NELL1: variants seen among roughly 807,000 people sequenced by gnomAD.
NELL1 encodes protein kinase C-binding protein NELL1.
NELL1 carries 76 observed loss-of-function variants against 107.4 expected under a neutral mutation model. That is an observed-to-expected ratio of 0.71 (90% CI 0.59 to 0.86). The LOEUF (loss-of-function observed/expected upper bound fraction) is 0.86, where lower values mean the gene tolerates loss of function less well. Among genes scored for constraint, NELL1 ranks in the 40% least tolerant of loss-of-function variants. The pLI, the probability that NELL1 is intolerant of heterozygous loss-of-function variation, is 0.00. For missense variants in NELL1, 1,024 were observed against 1,005.5 expected (o/e 1.02, Z -0.25); for synonymous variants, 353 against 341.2 (o/e 1.03, Z -0.38).
intron 14 of NELL1, among the ~76,000 whole-genome samples, chr11:21,264,200 T>G (rs1848593741): frequency 1.3e-5 from 2 of 151,466 alleles, no homozygotes; most frequent in African/African-American, 4.8e-5. Flanking sequence ...AAAAGCAGCA[T>G]GATATAGGGA....
At chr11:21,028,501 CGAAAT>C (rs1194325809) in intron 12 of NELL1, among the ~76,000 whole-genome samples, 2 of 152,060 alleles carry the variant, frequency 1.3e-5, no homozygotes, top group African/African-American at 4.8e-5. Context: ...TGCCCACTGA[CGAAAT>C]GAAAAGCTAG....
At chr11:21,478,124 G>GCA (rs1277429924) in intron 15 of NELL1, among the ~76,000 whole-genome samples, 1 of 152,064 alleles carries the variant, frequency 6.6e-6, no homozygotes, top group African/African-American at 2.4e-5. Flanking sequence ...GGAAAAGCAA[G>GCA]CACTTTCTTC....
chr11:21,069,270 CT>C (rs1853954803), intron 12 of NELL1, among the ~76,000 whole-genome samples: 1 of 152,148 alleles, frequency 6.6e-6, no homozygotes, highest in Admixed American at 6.5e-5. Flanking sequence ...CACATGTACC[CT>C]TGAACTTAAC....
Position 21,516,742 on chromosome 11 carries a change from CACACACACACACACACACAG to C in NELL1, c.1646-17621_1646-17602del, listed in dbSNP as rs1564935426. ...TGTCAATCACACACACACACACATA[CACACACACACACACACACAG>C]ACACACACACTCTTCTTTTAAATAT... On this transcript the variant is annotated intron_variant, in intron 15 of 19. Transcript: ENST00000357134. Among the ~76,000 whole-genome samples the C allele has an allele frequency of 5.9e-5, 8 of 136,530 alleles. No individual in the cohort carries two copies. In the South Asian group the frequency reaches 1.7e-3, roughly 29 times the overall value. The allele number at this position is 136,530 out of a possible 152,430, so 89.6% of individuals were successfully genotyped here. A position where few individuals can be genotyped will look rare whatever the true frequency, so the allele number is the denominator to read the frequency against.
chr11:20,810,063 A>G (rs1857466762), intron 3 of NELL1, among the ~76,000 whole-genome samples: 1 of 151,482 alleles, frequency 6.6e-6, no homozygotes, highest in Admixed American at 6.6e-5. Context: ...ATTGTATCTC[A>G]TTGTAGTTTT....
At chr11:20,710,992 A>AT (rs901299391) in intron 2 of NELL1, among the ~76,000 whole-genome samples, 91 of 149,840 alleles carry the variant, frequency 6.1e-4, no homozygotes, top group Non-Finnish European at 8.6e-4. Flanking sequence ...TGTTTTATTT[A>AT]TTTTTTTTGT....
At chr11:20,881,510 C>T (rs1564948166) in intron 4 of NELL1, among the ~76,000 whole-genome samples, 2 of 152,180 alleles carry the variant, frequency 1.3e-5, no homozygotes, top group Admixed American at 6.5e-5. Flanking sequence ...AAGCCAAGAA[C>T]ACCCACCTGA....
At chr11:21,344,848 A>G (rs1446552678) in intron 14 of NELL1, among the ~76,000 whole-genome samples, 18 of 148,016 alleles carry the variant, frequency 1.2e-4, no homozygotes, top group Non-Finnish European at 1.5e-5. Context: ...TTGTTGTTTT[A>G]TGAGCACCTT....
At chr11:21,202,308 G>C (rs1405780995) in intron 13 of NELL1, among the ~76,000 whole-genome samples, 1 of 152,148 alleles carries the variant, frequency 6.6e-6, no homozygotes, top group African/African-American at 2.4e-5. Context: ...TTCAGAACTT[G>C]TTATTGGTTT....
intron 13 of NELL1, among the ~76,000 whole-genome samples, chr11:21,128,217 A>G (rs1855532298): frequency 1.3e-5 from 2 of 152,192 alleles, no homozygotes; most frequent in Non-Finnish European, 2.9e-5. Context: ...TTTACAGAAA[A>G]GCACGTTGTA....
intron 13 of NELL1, among the ~76,000 whole-genome samples, chr11:21,180,989 G>T (rs924539743): frequency 6.6e-6 from 1 of 151,586 alleles, no homozygotes; most frequent in Non-Finnish European, 1.5e-5. Flanking sequence ...CCATGTCAAA[G>T]AATTTTTTTT....
At chr11:21,165,003 A>C (rs370001807) in intron 13 of NELL1, among the ~76,000 whole-genome samples, 318 of 151,836 alleles carry the variant, frequency 2.1e-3, no homozygotes, top group African/African-American at 7.4e-3. Context: ...ATTTTAAATG[A>C]TTTACCATCA....
chr11:20,746,058 A>G (rs970565925), intron 2 of NELL1, among the ~76,000 whole-genome samples: 2 of 152,160 alleles, frequency 1.3e-5, no homozygotes, highest in Non-Finnish European at 2.9e-5. Flanking sequence ...CCTATTTAAA[A>G]GGGGGGAAAC....
At chr11:20,978,134 G>A (rs1186299861) in intron 12 of NELL1, among the ~76,000 whole-genome samples, 1 of 152,138 alleles carries the variant, frequency 6.6e-6, no homozygotes, top group Non-Finnish European at 1.5e-5. Flanking sequence ...AGGGAATTGA[G>A]GCTCACACAT....
chr11:20,991,342 T>C (rs1453849770), intron 12 of NELL1, among the ~76,000 whole-genome samples: 1 of 152,168 alleles, frequency 6.6e-6, no homozygotes, highest in Non-Finnish European at 1.5e-5. Context: ...CTAAGGTGGA[T>C]TTTCAAAAAG....
At chr11:21,430,390 C>G (rs2133832763) in intron 15 of NELL1, among the ~76,000 whole-genome samples, 1 of 152,146 alleles carries the variant, frequency 6.6e-6, no homozygotes, top group Non-Finnish European at 1.5e-5. Context: ...TAACAAGGAT[C>G]CTTTGAAATC....
At chr11:21,196,869 CTTTCTTTTCT>C (rs1196829609) in intron 13 of NELL1, among the ~76,000 whole-genome samples, 1 of 148,794 alleles carries the variant, frequency 6.7e-6, no homozygotes, top group African/African-American at 2.5e-5. Flanking sequence ...AATTCTTTTT[CTTTCTTTTCT>C]TTTCTTTTTT....
intron 12 of NELL1, among the ~76,000 whole-genome samples, chr11:21,030,710 A>G (rs978557466): frequency 6.0e-5 from 9 of 150,630 alleles, no homozygotes; most frequent in Admixed American, 4.6e-4. Context: ...AAGATGTTCT[A>G]AAACTTATTT....
At chr11:21,375,130 G>T in intron 15 of NELL1, among the ~76,000 whole-genome samples, 1 of 152,022 alleles carries the variant, frequency 6.6e-6, no homozygotes, top group East Asian at 1.9e-4. Flanking sequence ...TAAAATCCTA[G>T]ATATAGGATG....
Sources: allele counts gnomAD v4.1 joint callset (sites outside exome capture counted in the v4.1 genomes callset), GRCh38; gene constraint gnomAD v4.1.1; transcripts MANE v1.5; gene names NCBI Gene and HGNC (gene_info 2026-07-23, HGNC 2026-07-21).